PKHD1L1: variants seen among roughly 807,000 people sequenced by gnomAD.
The protein encoded by PKHD1L1 is PKHD1 like 1.
In PKHD1L1, 434 loss-of-function variants were observed where a neutral mutation model predicts 462.9. The observed-to-expected ratio is 0.94, with a 90% CI of 0.87 to 1.02. The LOEUF (loss-of-function observed/expected upper bound fraction) is 1.02. Ranked by LOEUF, PKHD1L1 falls within the 50% of genes least tolerant of loss-of-function variation. PKHD1L1 has a pLI of 0.00. For synonymous variants in PKHD1L1, 1,781 were observed against 1,750.0 expected (o/e 1.02, Z -0.44); for missense variants, 5,202 against 5,096.1 (o/e 1.02, Z -0.63).
intron 58 of PKHD1L1, among the ~76,000 whole-genome samples, chr8:109,485,900 A>G (rs1818500105): frequency 6.6e-6 from 1 of 151,970 alleles, no homozygotes; most frequent in Non-Finnish European, 1.5e-5. Flanking sequence ...TTTTCTTTAA[A>G]TCATAAAGAA....
In PKHD1L1 at chr8:109,526,841, C is replaced by T. The variant is rs748910007; in HGVS notation, c.12542C>T (p.Thr4181Ile). The T allele has an allele frequency of 1.3e-6, 2 of 1,586,098 alleles. No homozygotes were observed. The highest frequency in any genetic ancestry group is 1.7e-6 in the Non-Finnish European group (2 of 1,165,452). Residue 4181 changes from threonine (T) to isoleucine (I), a missense_variant, in exon 77 of 78, where the codon ACT becomes ATT. Around this residue, in one of 3 missense-constraint regions of PKHD1L1, gnomAD observed 698 missense variants for 736.3 expected, o/e 0.95. Transcript: ENST00000378402. ...AATGTTGTTGGGGTAGAATCCAGAA[C>T]TTTCAGCCTGCTGGCAGAGTCTGTC... ...LDNVVGVESRTFSLLAESVSS... is the reference protein window; with the variant it reads ...LDNVVGVESRIFSLLAESVSS...
At chr8:109,378,829 C>A (rs575189295) in intron 2 of PKHD1L1, among the ~76,000 whole-genome samples, 30 of 152,278 alleles carry the variant, frequency 2.0e-4, no homozygotes, top group African/African-American at 6.5e-4. Flanking sequence ...TGATTGGAAT[C>A]CAGAAATTAG....
intron 19 of PKHD1L1, among the ~76,000 whole-genome samples, chr8:109,410,878 G>A (rs574534661): frequency 4.0e-5 from 6 of 151,074 alleles, no homozygotes; most frequent in South Asian, 4.2e-4. Context: ...ACAGGCTTGC[G>A]CCACCATGCC....
intron 42 of PKHD1L1, 45 bp downstream of exon 42, chr8:109,452,325 G>C: frequency 1.4e-6 from 2 of 1,436,608 alleles, no homozygotes; most frequent in Non-Finnish European, 9.2e-7. Context: ...TAGAAAACCA[G>C]CATTATGGGA....
rs756103909 is a variant in PKHD1L1, at chr8:109,504,452, A to G, written c.10954A>G (p.Thr3652Ala). ...GAAGAATATAAAACTGGTTGATACC[A>G]CTGAACAATCAAAAATATTTATACA... ...HVKNIKLVDTTEQSKIFIHRP... is the reference protein window; with the variant it reads ...HVKNIKLVDTAEQSKIFIHRP... The change falls in exon 68 of 78, where the codon ACT (threonine) becomes GCT (alanine). Residue 3652 changes from threonine (T) to alanine (A), a missense_variant. Thr to Ala is a moderately conservative substitution (Grantham distance 58). This residue lies in a region of PKHD1L1 where 698 missense variants were observed against 736.3 expected (regional missense o/e 0.95). Coordinates refer to ENST00000378402, the MANE Select transcript of PKHD1L1 (RefSeq NM_177531.6). 1.3e-6 allele frequency: 2 copies of G among 1,548,468 alleles called. No individual in the cohort carries two copies. Among genetic ancestry groups the G allele is most frequent in the Non-Finnish European group, 1.7e-6 (2 of 1,144,588 alleles).
At chr8:109,479,740 A>G in intron 54 of PKHD1L1, 101 bp downstream of exon 54, 2 of 919,262 alleles carry the variant, frequency 2.2e-6, no homozygotes, top group South Asian at 3.6e-5. Context: ...TTTCCAAAAG[A>G]GCAAGTGTGG....
chr8:109,374,602 T>C (rs1394633136), intron 2 of PKHD1L1, among the ~76,000 whole-genome samples: 1 of 152,252 alleles, frequency 6.6e-6, no homozygotes, highest in African/African-American at 2.4e-5. Context: ...GCCTTGATGG[T>C]CTTTACAATT....
At chr8:109,425,412 AAT>A (rs1814692892) in intron 24 of PKHD1L1, among the ~76,000 whole-genome samples, 180 bp downstream of exon 24, 1 of 151,754 alleles carries the variant, frequency 6.6e-6, no homozygotes, top group Non-Finnish European at 1.5e-5. Flanking sequence ...CATATATATT[AAT>A]ATATACCATA....
chr8:109,421,653 G>C (rs1236917294), intron 23 of PKHD1L1, among the ~76,000 whole-genome samples: 8 of 152,110 alleles, frequency 5.3e-5, no homozygotes, highest in Non-Finnish European at 1.2e-4. Flanking sequence ...GCGTGGTGGC[G>C]GGGGCCTGTA....
In PKHD1L1 at chr8:109,498,500, C is replaced by T. The variant is rs1819234842; in HGVS notation, c.10638C>T (p.Cys3546=). Residue 3546 remains cysteine, a synonymous_variant, in exon 66 of 78, where the codon TGC becomes TGT. Coordinates refer to ENST00000378402, the MANE Select transcript of PKHD1L1 (RefSeq NM_177531.6). ...TTGGAAGTAGCCCTGGGTTTAATTG[C>T]TCTGATGTCCTAACTAATGATGATC... is the stretch of plus-strand genomic sequence containing the variant. The part of the protein sequence containing the change: ...LIVGSSPGFN[C]SDVLTNDDPN... 6.2e-7 allele frequency: 1 copy of T among 1,613,546 alleles called. No individual in the cohort carries two copies. The highest frequency in any genetic ancestry group is 2.2e-5 in the East Asian group (1 of 44,878).
At position 109,452,409 on chromosome 8, in the gene PKHD1L1, C is replaced by T. The variant is rs560245782; in HGVS notation, c.6507+129C>T. The T allele has an allele frequency of 1.8e-4, 157 of 889,160 alleles. 1 individual carries two copies. In the South Asian group the frequency reaches 2.6e-3, roughly 15 times the overall value. The allele number at this position is 889,160 out of a possible 1,614,324, so 55.1% of individuals were successfully genotyped here. The stretch of plus-strand genomic sequence containing the variant: ...TAACTGAGCTGTGACCATAATAAAT[C>T]TAAAGTAGCTTACATTTTTTGTTGC... On this transcript the variant is annotated intron_variant, in intron 42 of 77. Coordinates refer to ENST00000378402, the MANE Select transcript of PKHD1L1 (RefSeq NM_177531.6).
rs1359318732 is a variant in PKHD1L1 at position 109,508,205 on chromosome 8, A to C, written c.11336A>C (p.Glu3779Ala). The change falls in exon 70 of 78, where the codon GAA becomes GCA. Residue 3779 changes from glutamate to alanine, a missense_variant. By Grantham distance (107) the Glu-to-Ala change is moderately radical. Around this residue, in one of 3 missense-constraint regions of PKHD1L1, gnomAD observed 698 missense variants for 736.3 expected, o/e 0.95. Transcript: ENST00000378402. ...MVIESLDPDT[E>A]TRRLSPVAIM... is the part of the protein sequence containing the mutation. ...ATTGAAAGTCTGGATCCTGACACAG[A>C]AACTCGAAGACTTTCCCCAGTGGCT... 4 of 1,613,284 alleles carry C rather than the reference A, an allele frequency of 2.5e-6. No homozygotes were observed. Among genetic ancestry groups the C allele is most frequent in the Non-Finnish European group, 3.4e-6 (4 of 1,179,494 alleles).
chr8:109,444,122 C>CCCG (rs1554578293), intron 37 of PKHD1L1, among the ~76,000 whole-genome samples: 20 of 151,354 alleles, frequency 1.3e-4, no homozygotes, highest in African/African-American at 4.9e-4. Flanking sequence ...ACCTCCCCCC[C>CCCG]CCAAAAAAAA....
intron 19 of PKHD1L1, 86 bp downstream of exon 19, chr8:109,410,064 G>C (rs1813757682): frequency 1.4e-6 from 1 of 729,416 alleles, no homozygotes; most frequent in East Asian, 3.3e-5. Flanking sequence ...TTCTGAAGTA[G>C]CATTAATAAC....
chr8:109,390,432 G>C lies in PKHD1L1; in HGVS notation c.698-20G>C. On this transcript the variant is annotated intron_variant, in intron 8 of 77. Coordinates refer to ENST00000378402, the MANE Select transcript of PKHD1L1 (RefSeq NM_177531.6). The stretch of plus-strand genomic sequence containing the variant: ...TGTGACTGGGAATTTAATTGATTGT[G>C]TATTTTCATTAAATTCCAGGTCATC... The C allele has an allele frequency of 7.4e-7, 1 of 1,359,290 alleles. No homozygotes were observed. The highest frequency in any genetic ancestry group is 2.7e-5 in the East Asian group (1 of 37,640). 84.2% of individuals were successfully genotyped at this position (1,359,290 alleles called of 1,614,324 possible).
intron 67 of PKHD1L1, among the ~76,000 whole-genome samples, chr8:109,503,482 A>G (rs182847269): frequency 2.0e-5 from 3 of 152,316 alleles, no homozygotes; most frequent in Middle Eastern, 3.4e-3. Flanking sequence ...GTATTCCTGT[A>G]TATAGACTCT....
In PKHD1L1 at chr8:109,441,228, G is replaced by T; in HGVS notation, c.4100-47G>T. ...CTCTATAATTCACAAAAAAAAATTT[G>T]ACAAAATGTTTGCTTTTTAAAAATA... On this transcript the variant is annotated intron_variant, in intron 33 of 77. Transcript: ENST00000378402. The T allele has an allele frequency of 3.1e-6, 4 of 1,297,498 alleles. No homozygotes were observed. The South Asian group carries it at 6.3e-5, about 20-fold the overall frequency. The allele number at this position is 1,297,498 out of a possible 1,614,324, so 80.4% of individuals were successfully genotyped here. A position where few individuals can be genotyped will look rare whatever the true frequency, so the allele number is the denominator to read the frequency against.
chr8:109,456,157 C>T (rs1375823492), intron 45 of PKHD1L1, 105 bp from the exon 46 acceptor site: 4 of 1,176,870 alleles, frequency 3.4e-6, no homozygotes, highest in Non-Finnish European at 4.6e-6. Context: ...GTAAAATGAG[C>T]CTCTCCAACA....
chr8:109,396,234 T>G, intron 11 of PKHD1L1, 97 bp downstream of exon 11: 1 of 838,150 alleles, frequency 1.2e-6, no homozygotes, highest in South Asian at 1.7e-5. Flanking sequence ...TCTCAACTCA[T>G]GCCTTCAATT....
Sources: allele counts gnomAD v4.1 joint callset (sites outside exome capture counted in the v4.1 genomes callset), GRCh38; gene constraint gnomAD v4.1.1; regional missense constraint gnomAD v4.1.1; transcripts MANE v1.5; gene names NCBI Gene and HGNC (gene_info 2026-07-23, HGNC 2026-07-21).